Variants in CDH18 observed in about 807,000 individuals in gnomAD.
CDH18 encodes cadherin 18.
Under a neutral mutation model 67.9 loss-of-function variants are expected in CDH18, and 31 were observed. That is an observed-to-expected ratio of 0.46 (90% CI 0.34 to 0.62). The LOEUF (loss-of-function observed/expected upper bound fraction) is 0.62. Ranked by LOEUF, CDH18 falls within the 20% of genes least tolerant of loss-of-function variation. CDH18 has a pLI of 0.01. For synonymous variants in CDH18, 362 were observed against 347.2 expected, an observed-to-expected ratio of 1.04 and a Z score of -0.48; for missense variants, 890 against 975.5, an observed-to-expected ratio of 0.91 and a Z score of 1.17.
chr5:19,505,412 G>A (rs1157414253), intron 10 of CDH18, among the ~76,000 whole-genome samples: 1 of 152,150 alleles, frequency 6.6e-6, no homozygotes, highest in Admixed American at 6.6e-5. Flanking sequence ...CAAAGGGAAT[G>A]CTTCCAGTTT....
chr5:20,356,870 CTATA>C (rs145257142), intron 1 of CDH18, among the ~76,000 whole-genome samples: 1 of 148,470 alleles, frequency 6.7e-6, no homozygotes, highest in Non-Finnish European at 1.5e-5. Flanking sequence ...TACATATATA[CTATA>C]TATATACTCT....
chr5:20,329,252 A>T lies in CDH18; in HGVS notation c.-579-73747T>A, dbSNP rs191629983. On this transcript the variant is annotated intron_variant, in intron 1 of 14. Coordinates refer to the CDH18 transcript ENST00000507958. The stretch of plus-strand genomic sequence containing the variant: ...AGGAACAAAGAGAATGAACGAAGGC[A>T]CGCAGATAACACATCACTATTGATC... Among the ~76,000 whole-genome samples, 3 of 152,304 alleles carry T rather than the reference A, an allele frequency of 2.0e-5. No individual in the cohort carries two copies. The East Asian group carries it at 5.8e-4, about 29-fold the overall frequency.
chr5:20,341,860 G>C (rs1000136285), intron 1 of CDH18, among the ~76,000 whole-genome samples: 2 of 152,030 alleles, frequency 1.3e-5, no homozygotes, highest in Admixed American at 1.3e-4. Context: ...CACTGATCAT[G>C]AGAAGCAAGG....
intron 5 of CDH18, among the ~76,000 whole-genome samples, chr5:19,657,572 C>A (rs1304409510): frequency 6.6e-6 from 1 of 151,938 alleles, no homozygotes; most frequent in Non-Finnish European, 1.5e-5. Context: ...TACTAATAAT[C>A]CATGGTCTCT....
intron 5 of CDH18, among the ~76,000 whole-genome samples, chr5:19,629,959 C>CA (rs1355817859): frequency 2.0e-5 from 3 of 151,908 alleles, no homozygotes; most frequent in Non-Finnish European, 4.4e-5. Context: ...TTTTTTGAAA[C>CA]AGAGTCTCAC....
At chr5:19,868,107 T>A (rs537019142) in intron 2 of CDH18, among the ~76,000 whole-genome samples, 1 of 152,326 alleles carries the variant, frequency 6.6e-6, no homozygotes, top group East Asian at 1.9e-4. Flanking sequence ...CATTACCCAG[T>A]CTCAGCAGTT....
chr5:20,408,198 T>TA (rs1746463332), intron 1 of CDH18, among the ~76,000 whole-genome samples: 1 of 151,804 alleles, frequency 6.6e-6, no homozygotes, highest in South Asian at 2.1e-4. Flanking sequence ...CTTTCCCCGG[T>TA]AAATAAAAAA....
At chr5:20,566,526 ATTTTTTTT>A (rs33950954) in intron 1 of CDH18, among the ~76,000 whole-genome samples, 1 of 97,380 alleles carries the variant, frequency 1.0e-5, no homozygotes, top group Non-Finnish European at 2.0e-5. Flanking sequence ...TGCCCAGCTA[ATTTTTTTT>A]TTTTTTTTTT....
chr5:19,663,416 G>C, intron 5 of CDH18, among the ~76,000 whole-genome samples: 1 of 151,780 alleles, frequency 6.6e-6, no homozygotes, highest in East Asian at 1.9e-4. Flanking sequence ...TAAATATATG[G>C]AAATTCATTG....
intron 1 of CDH18, among the ~76,000 whole-genome samples, chr5:20,520,825 G>C (rs960960369): frequency 1.3e-5 from 2 of 152,086 alleles, no homozygotes; most frequent in Admixed American, 6.6e-5. Context: ...ATAAATGAGA[G>C]AAAAGATCTA....
Position 20,265,411 on chromosome 5 carries a change from T to C in CDH18, c.-579-9906A>G, listed in dbSNP as rs546202279. ...TAGCAAAACTCCTTTGGAATAAATGTACAGTTTTGTAATTATCTGGATGTA... is the reference window on the plus strand; with the variant it reads ...TAGCAAAACTCCTTTGGAATAAATGCACAGTTTTGTAATTATCTGGATGTA... On this transcript the variant is annotated intron_variant, in intron 1 of 14. Transcript: ENST00000507958. Among the ~76,000 whole-genome samples the C allele has an allele frequency of 2.0e-5, 3 of 152,184 alleles. No individual in the cohort carries two copies. The East Asian group carries it at 5.8e-4, about 30-fold the overall frequency.
chr5:20,421,925 G>A lies in CDH18; in HGVS notation c.-580+153537C>T, dbSNP rs529986898. ...GTACTAATATTATTTGAGGACTTTG[G>A]CTTTATACCTATACTCATCATTTAA... is the stretch of plus-strand genomic sequence containing the variant. On this transcript the variant is annotated intron_variant, in intron 1 of 14. Transcript: ENST00000507958. Among the ~76,000 whole-genome samples, 16 of 150,544 alleles carry A rather than the reference G, an allele frequency of 1.1e-4. No individual in the cohort carries two copies. In the South Asian group the frequency reaches 2.9e-3, roughly 27 times the overall value.
chr5:19,773,338 C>T (rs1271197416), intron 3 of CDH18, among the ~76,000 whole-genome samples: 6 of 152,006 alleles, frequency 3.9e-5, no homozygotes, highest in African/African-American at 1.4e-4. Context: ...AAGATATATC[C>T]ATGCAATTAT....
At chr5:19,738,239 AG>A (rs1314969843) in intron 4 of CDH18, among the ~76,000 whole-genome samples, 1 of 152,128 alleles carries the variant, frequency 6.6e-6, no homozygotes, top group Non-Finnish European at 1.5e-5. Context: ...CTAATTTATA[AG>A]TAAAGGTGGA....
intron 1 of CDH18, among the ~76,000 whole-genome samples, chr5:20,331,193 C>G (rs184476495): frequency 6.6e-6 from 1 of 152,128 alleles, no homozygotes; most frequent in East Asian, 1.9e-4. Context: ...AAATTCAGGA[C>G]TAGTAGTATA....
At chr5:20,002,960 A>G (rs1037217193) in intron 2 of CDH18, among the ~76,000 whole-genome samples, 1 of 119,490 alleles carries the variant, frequency 8.4e-6, no homozygotes, top group African/African-American at 4.2e-5. Flanking sequence ...GAAACCAACC[A>G]AAAAAAAAAA....
intron 2 of CDH18, among the ~76,000 whole-genome samples, chr5:19,884,851 T>C (rs1300235466): frequency 6.6e-6 from 1 of 152,110 alleles, no homozygotes; most frequent in Non-Finnish European, 1.5e-5. Flanking sequence ...TAAACTAGTA[T>C]GATATGTAGT....
chr5:20,544,033 A>C (rs1456348302), intron 1 of CDH18, among the ~76,000 whole-genome samples: 4 of 152,204 alleles, frequency 2.6e-5, no homozygotes, highest in Non-Finnish European at 4.4e-5. Flanking sequence ...TTTTCCAGCA[A>C]ATATCCATTA....
chr5:20,154,059 T>G (rs1751339476), intron 2 of CDH18, among the ~76,000 whole-genome samples: 1 of 152,138 alleles, frequency 6.6e-6, no homozygotes, highest in Non-Finnish European at 1.5e-5. Flanking sequence ...ATCCTCTCAT[T>G]CCATTTCCAG....
Sources: allele counts gnomAD v4.1 joint callset (sites outside exome capture counted in the v4.1 genomes callset), GRCh38; gene constraint gnomAD v4.1.1; transcripts MANE v1.5; gene names NCBI Gene and HGNC (gene_info 2026-07-23, HGNC 2026-07-21).